The following SUGCT variants were observed in gnomAD, a reference collection of about 807,000 sequenced individuals.
The protein encoded by SUGCT is succinyl-CoA:glutarate CoA-transferase.
A neutral mutation model predicts 55.0 loss-of-function variants in SUGCT; 41 were observed. The observed-to-expected ratio is 0.74, with a 90% confidence interval of 0.58 to 0.97. The LOEUF is 0.97. Ranked by LOEUF, SUGCT falls within the 50% of genes least tolerant of loss-of-function variation. The pLI, the probability that SUGCT is intolerant of heterozygous loss-of-function variation, is 0.00. For missense variants in SUGCT, 568 were observed against 547.8 expected (o/e 1.04, Z -0.37); for synonymous variants, 187 against 200.4 (o/e 0.93, Z 0.56).
At chr7:40,703,265 T>C (rs1438721453) in intron 12 of SUGCT, among the ~76,000 whole-genome samples, 1 of 152,148 alleles carries the variant, frequency 6.6e-6, no homozygotes, top group African/African-American at 2.4e-5. Context: ...GGTTTCTCCA[T>C]GTTGGTCAGG....
chr7:40,675,567 C>T (rs146804698), intron 12 of SUGCT, among the ~76,000 whole-genome samples: 73 of 152,268 alleles, frequency 4.8e-4, no homozygotes, highest in African/African-American at 1.6e-3. Context: ...CTAAAAGAAA[C>T]GTCTAGTGAG....
chr7:40,823,208 C>T lies in SUGCT; in HGVS notation c.1154-37108C>T, dbSNP rs144255668. On this transcript the variant is annotated intron_variant, in intron 13 of 13. Transcript: ENST00000335693. ...AACCCCCTTAAATAACTTTTAATAC[C>T]AGAGATAATCCCAGTGGCTAAGTCA... is the stretch of plus-strand genomic sequence containing the variant. 2.6e-5 allele frequency among the ~76,000 whole-genome samples: 4 copies of T among 152,116 alleles called. No homozygotes were observed. The East Asian group carries it at 7.7e-4, about 29-fold the overall frequency.
chr7:40,899,130 A>T, the SUGCT span, among the ~76,000 whole-genome samples: 1 of 152,094 alleles, frequency 6.6e-6, no homozygotes, highest in East Asian at 1.9e-4. Context: ...GGAGTGAGAG[A>T]GTGCCCTGCT....
At chr7:40,898,542 T>C in the SUGCT span, among the ~76,000 whole-genome samples, 1 of 126,484 alleles carries the variant, frequency 7.9e-6, no homozygotes, top group South Asian at 2.7e-4. Flanking sequence ...GCTAACACAG[T>C]GAAACCCCAG....
intron 12 of SUGCT, among the ~76,000 whole-genome samples, chr7:40,573,238 T>C (rs1796550617): frequency 6.6e-6 from 1 of 152,216 alleles, no homozygotes; most frequent in Non-Finnish European, 1.5e-5. Flanking sequence ...GCAAATCTGT[T>C]ACTTTTAGAA....
At chr7:40,282,409 A>G (rs916860925) in intron 8 of SUGCT, among the ~76,000 whole-genome samples, 11 of 152,122 alleles carry the variant, frequency 7.2e-5, no homozygotes, top group Admixed American at 5.9e-4. Context: ...TGGAGGTTGC[A>G]GTGAGCTGAG....
At chr7:40,648,978 T>G (rs1800650672) in intron 12 of SUGCT, among the ~76,000 whole-genome samples, 1 of 152,216 alleles carries the variant, frequency 6.6e-6, no homozygotes, top group Non-Finnish European at 1.5e-5. Flanking sequence ...TTTTGTTCTT[T>G]GAACAAATTT....
chr7:40,182,004 G>A lies in SUGCT; in HGVS notation c.202G>A (p.Glu68Lys). The A allele has an allele frequency of 6.2e-7, 1 of 1,601,734 alleles. No homozygotes were observed. Among genetic ancestry groups the A allele is most frequent in the Non-Finnish European group, 8.5e-7 (1 of 1,172,392 alleles). The change falls in exon 3 of 14, where the codon GAA (glutamate) becomes AAA (lysine). Residue 68 changes from glutamate (E) to lysine (K), a missense_variant. Glu to Lys is a moderately conservative substitution (Grantham distance 56). Transcript: ENST00000335693. ...ATMNLGDLGA[E>K]VIKVERPGAG... ...TATGAATTTAGGAGATCTTGGAGCA[G>A]AAGTTATAAAAGTGGAGAGACCAGG...
At chr7:40,647,374 G>C (rs1031992841) in intron 12 of SUGCT, among the ~76,000 whole-genome samples, 12 of 152,086 alleles carry the variant, frequency 7.9e-5, no homozygotes, top group African/African-American at 2.7e-4. Flanking sequence ...TATTAGGTTG[G>C]TGCAAAAGTA....
At chr7:40,388,925 A>G (rs958861027) in intron 9 of SUGCT, among the ~76,000 whole-genome samples, 5 of 152,168 alleles carry the variant, frequency 3.3e-5, no homozygotes, top group African/African-American at 7.2e-5. Context: ...ACCACTTAAG[A>G]ACTTAAAAAA....
At chr7:40,240,188 A>C (rs1789284264) in intron 7 of SUGCT, among the ~76,000 whole-genome samples, 1 of 152,170 alleles carries the variant, frequency 6.6e-6, no homozygotes, top group Non-Finnish European at 1.5e-5. Flanking sequence ...AAGCTGATTG[A>C]AAAGAATCAG....
At chr7:40,686,673 C>T (rs182228548) in intron 12 of SUGCT, among the ~76,000 whole-genome samples, 62 of 152,228 alleles carry the variant, frequency 4.1e-4, no homozygotes, top group Middle Eastern at 3.4e-3. Flanking sequence ...GTTCAGTTCT[C>T]TAGAGGGAAA....
chr7:40,304,067 G>C (rs1290244775), intron 8 of SUGCT, among the ~76,000 whole-genome samples: 2 of 139,028 alleles, frequency 1.4e-5, no homozygotes, highest in Non-Finnish European at 3.1e-5. Flanking sequence ...AAAAAAAAAA[G>C]AATGATGTTG....
chr7:40,941,911 T>G, the SUGCT span, among the ~76,000 whole-genome samples: 3 of 152,248 alleles, frequency 2.0e-5, no homozygotes, highest in South Asian at 4.1e-4. Flanking sequence ...GTTTCCATTT[T>G]CATGTAACAT....
At chr7:40,792,228 C>A (rs185563449) in intron 13 of SUGCT, among the ~76,000 whole-genome samples, 2 of 152,160 alleles carry the variant, frequency 1.3e-5, no homozygotes, top group Admixed American at 1.3e-4. Context: ...TGTCGTAGAA[C>A]AGGAAGGAAG....
chr7:40,189,495 T>C, intron 4 of SUGCT, 49 bp from the exon 5 acceptor site: 1 of 573,974 alleles, frequency 1.7e-6, no homozygotes, highest in Non-Finnish European at 2.5e-6. Flanking sequence ...GGGCTTCTTG[T>C]GTTTTGGTCA....
chr7:40,469,664 A>T (rs1433453577), intron 11 of SUGCT, among the ~76,000 whole-genome samples: 3 of 152,064 alleles, frequency 2.0e-5, no homozygotes, highest in Non-Finnish European at 4.4e-5. Flanking sequence ...GTGACTGAGA[A>T]TCAAATGATG....
chr7:40,968,351 G>T, the SUGCT span, among the ~76,000 whole-genome samples: 3 of 152,130 alleles, frequency 2.0e-5, no homozygotes, highest in Non-Finnish European at 2.9e-5. Flanking sequence ...CGTGTCTGCC[G>T]AGTCCACTGT....
intron 12 of SUGCT, among the ~76,000 whole-genome samples, chr7:40,680,682 T>C (rs763813305): frequency 6.6e-6 from 1 of 152,182 alleles, no homozygotes; most frequent in Non-Finnish European, 1.5e-5. Context: ...TGGAGGAAAT[T>C]ATGAAATTTA....
Sources: allele counts gnomAD v4.1 joint callset (sites outside exome capture counted in the v4.1 genomes callset), GRCh38; gene constraint gnomAD v4.1.1; transcripts MANE v1.5; gene names NCBI Gene and HGNC (gene_info 2026-07-23, HGNC 2026-07-21).